The following VOPP1 variants were observed in gnomAD, a reference collection of about 807,000 sequenced individuals.
The protein encoded by VOPP1 is WW domain binding protein VOPP1.
A neutral mutation model predicts 23.5 loss-of-function variants in VOPP1; 8 were observed. The ratio of observed to expected loss-of-function variants is 0.34; its 90% CI spans 0.20 to 0.61. The LOEUF is 0.61. Among genes scored for constraint, VOPP1 ranks in the 20% least tolerant of loss-of-function variants. The pLI, the probability that VOPP1 is intolerant of heterozygous loss-of-function variation, is 0.78. For synonymous variants in VOPP1, 83 were observed against 97.3 expected (o/e 0.85, Z 0.86); for missense variants, 174 against 238.1 (o/e 0.73, Z 1.77).
chr7:55,492,349 G>C lies in VOPP1; in HGVS notation c.261C>G (p.Pro87=). 4.3e-6 allele frequency: 7 copies of C among 1,609,394 alleles called. No individual in the cohort carries two copies. Among genetic ancestry groups the C allele is most frequent in the East Asian group, 2.2e-5 (1 of 44,672 alleles). ...AGGCTGGCTCCTCGATCAGCGGCGGGGGGTACATGCGCCTCCGGATGAAGA... is the reference window on the plus strand; with the variant it reads ...AGGCTGGCTCCTCGATCAGCGGCGGCGGGTACATGCGCCTCCGGATGAAGA... ...AGFFIRRRMY[P]PPLIEEPAFN... Residue 87 remains proline (P), a synonymous_variant, in exon 4 of 5, where the codon CCC becomes CCG. Coordinates refer to ENST00000285279, the MANE Select transcript of VOPP1 (RefSeq NM_030796.5).
intron 4 of VOPP1, among the ~76,000 whole-genome samples, chr7:55,457,360 T>A (rs1053871230): frequency 6.6e-6 from 1 of 152,210 alleles, no homozygotes; most frequent in African/African-American, 2.4e-5. Flanking sequence ...CTTTCTTCAT[T>A]CATTCATTGA....
At position 55,521,127 on chromosome 7, in the gene VOPP1, T is replaced by C; in HGVS notation, c.58A>G (p.Thr20Ala). 1 of 1,578,122 alleles carries C rather than the reference T, an allele frequency of 6.3e-7. No individual in the cohort carries two copies. Among genetic ancestry groups the C allele is most frequent in the South Asian group, 1.2e-5 (1 of 85,880 alleles). ...ALLLGLLLEC[T>A]EAKKHCWYFE... The stretch of plus-strand genomic sequence containing the variant: ...TACCAGCAATGCTTTTTGGCTTCTG[T>C]GCACTGCAAATAGAAGCAAGAAAAA... The change falls in exon 2 of 5, where the codon ACA (threonine) becomes GCA (alanine). Residue 20 changes from threonine to alanine, a missense_variant. By Grantham distance (58) the Thr-to-Ala change is moderately conservative. Transcript: ENST00000285279.
At chr7:55,451,935 T>A (rs563318593) in intron 4 of VOPP1, among the ~76,000 whole-genome samples, 1 of 152,330 alleles carries the variant, frequency 6.6e-6, no homozygotes, top group Non-Finnish European at 1.5e-5. Flanking sequence ...AAGGTTGGAC[T>A]GGCTGTGGCA....
At chr7:55,520,056 A>AG (rs1795738740) in intron 2 of VOPP1, among the ~76,000 whole-genome samples, 1 of 152,164 alleles carries the variant, frequency 6.6e-6, no homozygotes, top group African/African-American at 2.4e-5. Context: ...TGAACTCAGG[A>AG]GGCAGGGACT....
intron 4 of VOPP1, among the ~76,000 whole-genome samples, chr7:55,443,432 T>A (rs1791016542): frequency 6.6e-6 from 1 of 151,670 alleles, no homozygotes; most frequent in Non-Finnish European, 1.5e-5. Flanking sequence ...CGGGCGCCTG[T>A]AGTCCTAGCT....
At chr7:55,559,395 C>CGCTGCCCCCAGA (rs529212629) in intron 1 of VOPP1, among the ~76,000 whole-genome samples, 1,669 of 152,278 alleles carry the variant, frequency 0.011, 11 homozygotes, top group Middle Eastern at 0.02. Context: ...TGAGAGCAGC[C>CGCTGCCCCCAGA]GCTGACCGTG....
intron 4 of VOPP1, among the ~76,000 whole-genome samples, chr7:55,443,842 C>T (rs1791029653): frequency 6.6e-6 from 1 of 151,974 alleles, no homozygotes; most frequent in African/African-American, 2.4e-5. Context: ...TGGGTTTCAC[C>T]GTGTTGCCCA....
At chr7:55,451,746 G>A (rs367854020) in intron 4 of VOPP1, among the ~76,000 whole-genome samples, 18 of 152,344 alleles carry the variant, frequency 1.2e-4, no homozygotes, top group East Asian at 5.8e-4. Context: ...AGCCAAGATC[G>A]TGCCGCTGCA....
At chr7:55,459,924 T>C (rs1791456196) in intron 4 of VOPP1, among the ~76,000 whole-genome samples, 1 of 152,152 alleles carries the variant, frequency 6.6e-6, no homozygotes, top group South Asian at 2.1e-4. Context: ...TGGTTTGTCA[T>C]TGGTTTTCTA....
At chr7:55,570,849 G>C (rs1798326587) in intron 1 of VOPP1, among the ~76,000 whole-genome samples, 1 of 152,052 alleles carries the variant, frequency 6.6e-6, no homozygotes, top group Non-Finnish European at 1.5e-5. Flanking sequence ...GGCTGAAGCA[G>C]GAGAATAGCT....
At chr7:55,454,994 A>G (rs1276413901) in intron 4 of VOPP1, among the ~76,000 whole-genome samples, 1 of 152,230 alleles carries the variant, frequency 6.6e-6, no homozygotes, top group South Asian at 2.1e-4. Context: ...AGCGTATTCA[A>G]TTAGGAAAAG....
chr7:55,537,664 T>C (rs1262048571), intron 1 of VOPP1: 3 of 1,498,908 alleles, frequency 2.0e-6, no homozygotes, highest in Non-Finnish European at 2.7e-6. Context: ...GACCCTGCAG[T>C]ATCCTCCTCT....
rs545889105 is a variant in VOPP1 at position 55,551,644 on chromosome 7, C to T, written c.54+20627G>A. On this transcript the variant is annotated intron_variant, in intron 1 of 4. Coordinates refer to ENST00000285279, the MANE Select transcript of VOPP1 (RefSeq NM_030796.5). The stretch of plus-strand genomic sequence containing the variant: ...AAACTCCAAGTGGGGAAGGGTTCAA[C>T]ACGGTCAGGGCTGAGGTGGAGGAAG... Among the ~76,000 whole-genome samples the T allele has an allele frequency of 1.1e-4, 17 of 152,236 alleles. No individual in the cohort carries two copies. In the East Asian group the frequency reaches 1.4e-3, roughly 12 times the overall value.
chr7:55,472,978 A>C lies in VOPP1; in HGVS notation c.396T>G (p.Asn132Lys). Residue 132 changes from asparagine to lysine, a missense_variant, in exon 5 of 5, where the codon AAT (asparagine) becomes AAG (lysine). By Grantham distance (94) the Asn-to-Lys change is moderately conservative. Coordinates refer to ENST00000285279, the MANE Select transcript of VOPP1 (RefSeq NM_030796.5). ...PGGPGMNPVG[N>K]SMAMAFQVPP... is the part of the protein sequence containing the mutation. The stretch of plus-strand genomic sequence containing the variant: ...GGACCTGGAAAGCCATTGCCATGGA[A>C]TTCCCGACAGGGTTCATCCCCGGTC... The C allele has an allele frequency of 6.3e-7, 1 of 1,592,232 alleles. No individual in the cohort carries two copies. Among genetic ancestry groups the C allele is most frequent in the Non-Finnish European group, 8.5e-7 (1 of 1,172,048 alleles).
chr7:55,545,968 G>A (rs1429194472), intron 1 of VOPP1, among the ~76,000 whole-genome samples: 11 of 152,134 alleles, frequency 7.2e-5, no homozygotes, highest in Non-Finnish European at 1.0e-4. Context: ...TCAGGAAGCT[G>A]AGGTGGGAGG....
At chr7:55,536,180 A>C (rs1434267332) in intron 1 of VOPP1, among the ~76,000 whole-genome samples, 1 of 152,160 alleles carries the variant, frequency 6.6e-6, no homozygotes, top group Admixed American at 6.5e-5. Flanking sequence ...GGATTTGACT[A>C]TACACCCTGA....
intron 3 of VOPP1, among the ~76,000 whole-genome samples, chr7:55,495,663 T>C (rs1423949407): frequency 6.6e-6 from 1 of 152,146 alleles, no homozygotes; most frequent in Non-Finnish European, 1.5e-5. Context: ...TCTTCAGGAG[T>C]CTGCCTGCCT....
intron 2 of VOPP1, among the ~76,000 whole-genome samples, chr7:55,515,336 G>C (rs1479755988): frequency 3.3e-5 from 5 of 152,158 alleles, no homozygotes; most frequent in African/African-American, 7.2e-5. Context: ...GGCTGGGAAA[G>C]GCTGCCTCCC....
At chr7:55,466,671 A>T (rs1352596517), downstream of VOPP1, among the ~76,000 whole-genome samples, 2 of 152,064 alleles carry the variant, frequency 1.3e-5, no homozygotes, top group Non-Finnish European at 2.9e-5. Flanking sequence ...TTAATTTTTT[A>T]AAAAAGAGAT....
Sources: gnomAD v4.1 joint callset for allele counts (sites outside exome capture counted in the v4.1 genomes callset) on GRCh38, gnomAD v4.1.1 for gene constraint, MANE v1.5 for transcripts, NCBI Gene and HGNC (gene_info 2026-07-23, HGNC 2026-07-21) for gene names.